NSD3: variants seen among roughly 807,000 people sequenced by gnomAD.
NSD3 encodes the protein nuclear receptor binding SET domain protein 3, also known as histone-lysine N-methyltransferase NSD3.
NSD3 carries 24 observed loss-of-function variants against 160.8 expected under a neutral mutation model. The observed-to-expected ratio is 0.15, with a 90% CI of 0.11 to 0.21. The LOEUF is 0.21. NSD3 is among the 10% of genes least tolerant of loss of function. NSD3 has a pLI of 1.00. For synonymous variants in NSD3, 520 were observed against 600.0 expected, an observed-to-expected ratio of 0.87 and a Z score of 1.95; for missense variants, 1,157 against 1,735.9, an observed-to-expected ratio of 0.67 and a Z score of 5.93.
At chr8:38,278,478 C>T in intron 21 of NSD3, 66 bp from the exon 22 acceptor site, 4 of 1,355,784 alleles carry the variant, frequency 3.0e-6, no homozygotes, top group South Asian at 1.3e-5. Flanking sequence ...CTCACAGGCA[C>T]ACTCCCCTAA....
At position 38,343,021 on chromosome 8, in the gene NSD3, G is replaced by A. The variant is rs142185484; in HGVS notation, c.676-4414C>T. Reference sequence around the variant, plus strand: ...AGCCTGGCCAACATGGCGAAACCCCGTCTCTACTAAAAATACACAAAAAAA... The same window carrying A: ...AGCCTGGCCAACATGGCGAAACCCCATCTCTACTAAAAATACACAAAAAAA... On this transcript the variant is annotated intron_variant, in intron 2 of 23. Transcript: ENST00000317025. Among the ~76,000 whole-genome samples the A allele has an allele frequency of 4.9e-3, 742 of 151,188 alleles. 11 individuals are homozygous for A. The highest frequency in any genetic ancestry group is 0.017 in the African/African-American group (695 of 41,284).
At chr8:38,341,963 A>AT (rs1810380855) in intron 2 of NSD3, among the ~76,000 whole-genome samples, 2 of 152,160 alleles carry the variant, frequency 1.3e-5, no homozygotes, top group Non-Finnish European at 2.9e-5. Context: ...CAAAAAAAAA[A>AT]GGACTTCCTT....
chr8:38,368,852 G>C (rs1424261154), intron 1 of NSD3, among the ~76,000 whole-genome samples: 1 of 152,100 alleles, frequency 6.6e-6, no homozygotes, highest in Non-Finnish European at 1.5e-5. Context: ...CAGTCATCTT[G>C]TTCCATTCAC....
At chr8:38,289,749 G>A (rs557919757) in intron 17 of NSD3, among the ~76,000 whole-genome samples, 1 of 152,298 alleles carries the variant, frequency 6.6e-6, no homozygotes, top group African/African-American at 2.4e-5. Flanking sequence ...TCAATGATCA[G>A]AAGTCTCCAA....
chr8:38,316,308 C>G lies in NSD3; in HGVS notation c.1856-266G>C. On this transcript the variant is annotated intron_variant, in intron 9 of 23. Transcript: ENST00000317025. The surrounding 1 kb of genome is among the most constrained non-coding windows in gnomAD (Gnocchi z 4.5). ...ATTTTCAGTCAACAGAGCCCACGTTCCAACCTAAAAATCAATTCTATGAAA... is the reference window on the plus strand; with the variant it reads ...ATTTTCAGTCAACAGAGCCCACGTTGCAACCTAAAAATCAATTCTATGAAA... The G allele has an allele frequency of 2.0e-6, 2 of 1,021,398 alleles. No individual in the cohort carries two copies. The highest frequency in any genetic ancestry group is 2.5e-6 in the Non-Finnish European group (2 of 813,880). The allele number at this position is 1,021,398 out of a possible 1,614,324, so 63.3% of individuals were successfully genotyped here.
At position 38,295,273 on chromosome 8, in the gene NSD3, CA is replaced by C. The variant is rs368912978; in HGVS notation, c.2915+522del. 1.3e-3 allele frequency among the ~76,000 whole-genome samples: 193 copies of C among 147,010 alleles called. 1 individual carries two copies. The highest frequency in any genetic ancestry group is 4.5e-3 in the African/African-American group (178 of 39,746). On this transcript the variant is annotated intron_variant, in intron 16 of 23. Coordinates refer to ENST00000317025, the MANE Select transcript of NSD3 (RefSeq NM_023034.2). Reference sequence around the variant, plus strand: ...TAAAACAACTTTCAGGACTTAAAAACAAAAGTTGGTGGGCATGGTGGCTCAT... The same window carrying C: ...TAAAACAACTTTCAGGACTTAAAAACAAAGTTGGTGGGCATGGTGGCTCAT...
At chr8:38,372,583 G>C (rs901512256) in intron 1 of NSD3, among the ~76,000 whole-genome samples, 1 of 146,022 alleles carries the variant, frequency 6.8e-6, no homozygotes, top group Non-Finnish European at 1.5e-5. Context: ...TGCAACCTCC[G>C]CCTCCCGGGT....
intron 1 of NSD3, among the ~76,000 whole-genome samples, chr8:38,358,567 A>C (rs1810881526): frequency 6.6e-6 from 1 of 152,176 alleles, no homozygotes; most frequent in South Asian, 2.1e-4. Flanking sequence ...ATTTTTTTTA[A>C]GATACATAAT....
intron 6 of NSD3, among the ~76,000 whole-genome samples, chr8:38,327,728 C>T (rs1809951012): frequency 6.6e-6 from 1 of 151,990 alleles, no homozygotes; most frequent in Admixed American, 6.6e-5. Flanking sequence ...GAAAAAAATG[C>T]CAATATGTCT....
intron 17 of NSD3, 134 bp downstream of exon 17, chr8:38,290,341 G>A: frequency 2.3e-6 from 2 of 879,720 alleles, no homozygotes; most frequent in Non-Finnish European, 3.7e-6. Context: ...AATGTGACTG[G>A]AAGCTTATGG....
intron 1 of NSD3, among the ~76,000 whole-genome samples, chr8:38,373,232 T>A (rs963388351): frequency 5.3e-5 from 8 of 152,048 alleles, no homozygotes; most frequent in African/African-American, 9.7e-5. Context: ...CACTTCTTTT[T>A]TTTTTTGAGA....
intron 4 of NSD3, among the ~76,000 whole-genome samples, chr8:38,335,060 T>TGCAACC (rs1353990846): frequency 6.7e-6 from 1 of 148,496 alleles, no homozygotes; most frequent in East Asian, 2.0e-4. Context: ...CTCGGCTCAC[T>TGCAACC]GCAACCGCAA....
intron 16 of NSD3, among the ~76,000 whole-genome samples, chr8:38,291,146 G>A (rs549303160): frequency 6.6e-6 from 1 of 152,228 alleles, no homozygotes; most frequent in South Asian, 2.1e-4. Context: ...ATTTAGTCTC[G>A]AGTCAACCTG....
intron 4 of NSD3, among the ~76,000 whole-genome samples, chr8:38,332,406 G>A (rs939840767): frequency 6.6e-6 from 1 of 152,174 alleles, no homozygotes; most frequent in South Asian, 2.1e-4. Context: ...CAAAGTGTTA[G>A]AATTACAGGT....
intron 11 of NSD3, 48 bp from the exon 12 acceptor site, chr8:38,314,821 A>G: frequency 6.3e-7 from 1 of 1,588,124 alleles, no homozygotes; most frequent in Middle Eastern, 1.7e-4. Context: ...GCAAACATCA[A>G]GACCACATGG....
chr8:38,342,699 C>T (rs1438629930), intron 2 of NSD3, among the ~76,000 whole-genome samples: 1 of 151,802 alleles, frequency 6.6e-6, no homozygotes, highest in Non-Finnish European at 1.5e-5. Flanking sequence ...TCCCAAGTAG[C>T]TGGTATTACA....
intron 2 of NSD3, among the ~76,000 whole-genome samples, chr8:38,339,048 G>A (rs185799662): frequency 1.5e-4 from 23 of 151,576 alleles, no homozygotes; most frequent in African/African-American, 5.3e-4. Context: ...GCTGAGGCAG[G>A]AGAATCACTT....
At chr8:38,362,451 A>G (rs1810999670) in intron 1 of NSD3, among the ~76,000 whole-genome samples, 1 of 152,142 alleles carries the variant, frequency 6.6e-6, no homozygotes. Flanking sequence ...GAAAACAGAA[A>G]AAAAATTTGC....
intron 1 of NSD3, among the ~76,000 whole-genome samples, chr8:38,374,554 T>G (rs1811341044): frequency 6.6e-6 from 1 of 151,012 alleles, no homozygotes; most frequent in Non-Finnish European, 1.5e-5. Context: ...CCCAAGAGTT[T>G]CAGTCCAGCA....
Sources: allele counts gnomAD v4.1 joint callset (sites outside exome capture counted in the v4.1 genomes callset), GRCh38; gene constraint gnomAD v4.1.1; non-coding constraint Gnocchi (gnomAD v3.1); transcripts MANE v1.5; gene names NCBI Gene and HGNC (gene_info 2026-07-23, HGNC 2026-07-21).